NEXN: variants seen among roughly 807,000 people sequenced by gnomAD.
The protein encoded by NEXN is nexilin F-actin binding protein.
A neutral mutation model predicts 92.6 loss-of-function variants in NEXN; 65 were observed. The observed-to-expected ratio is 0.70, with a 90% CI of 0.57 to 0.86. NEXN has a LOEUF of 0.86. NEXN is among the 40% of genes least tolerant of loss of function. NEXN has a pLI of 0.00. For missense variants in NEXN, 778 were observed against 771.1 expected, an observed-to-expected ratio of 1.01 and a Z score of -0.11; for synonymous variants, 254 against 242.5, an observed-to-expected ratio of 1.05 and a Z score of -0.44.
intron 10 of NEXN, 25 bp downstream of exon 10, chr1:77,933,504 T>A: frequency 5.5e-6 from 8 of 1,447,880 alleles, no homozygotes; most frequent in Non-Finnish European, 7.7e-6. Flanking sequence ...AATATCTATA[T>A]TCCCCATATT....
At position 77,897,359 on chromosome 1, in the gene NEXN, G is replaced by A. The variant is rs984495904; in HGVS notation, c.-53+8600G>A. On this transcript the variant is annotated intron_variant, in intron 1 of 12. Coordinates refer to ENST00000334785, the MANE Select transcript of NEXN (RefSeq NM_144573.4). Reference sequence around the variant, plus strand: ...GGGATGTGAGGCTGGTTCAATATACGCAAATCAATAAATGTAATCCAGCAT... The same window carrying A: ...GGGATGTGAGGCTGGTTCAATATACACAAATCAATAAATGTAATCCAGCAT... Among the ~76,000 whole-genome samples, 152 of 152,226 alleles carry A rather than the reference G, an allele frequency of 1.0e-3. 1 individual carries two copies. Among genetic ancestry groups the A allele is most frequent in the African/African-American group, 3.5e-3 (144 of 41,540 alleles).
At chr1:77,938,895 A>G (rs1651017627) in intron 11 of NEXN, among the ~76,000 whole-genome samples, 1 of 152,220 alleles carries the variant, frequency 6.6e-6, no homozygotes, top group African/African-American at 2.4e-5. Context: ...AATAAGTGAT[A>G]GGATACAAGG....
At position 77,918,218 on chromosome 1, in the gene NEXN, A is replaced by G. The variant is rs397517858; in HGVS notation, c.392A>G (p.Gln131Arg). The G allele has an allele frequency of 8.1e-5, 130 of 1,614,088 alleles. No individual in the cohort carries two copies. Among genetic ancestry groups the G allele is most frequent in the Non-Finnish European group, 1.1e-4 (124 of 1,180,028 alleles). ...TEEERKRRIE[Q>R]DMLEKRKIQR... ...GAGGAACGAAAACGCAGAATTGAGCAGGATATGTTAGAAAAGAGGAAAATA... is the reference window on the plus strand; with the variant it reads ...GAGGAACGAAAACGCAGAATTGAGCGGGATATGTTAGAAAAGAGGAAAATA... Residue 131 changes from glutamine (Q) to arginine (R), a missense_variant, in exon 5 of 13, where the codon CAG (glutamine) becomes CGG (arginine). This residue lies in a region of NEXN where 236 missense variants were observed against 265.6 expected (regional missense o/e 0.89). Transcript: ENST00000334785.
chr1:77,899,056 G>C (rs1484011395), intron 1 of NEXN, among the ~76,000 whole-genome samples: 1 of 152,198 alleles, frequency 6.6e-6, no homozygotes, highest in Non-Finnish European at 1.5e-5. Flanking sequence ...TTACACTGTT[G>C]GTGGGACTGT....
chr1:77,941,327 T>C (rs1204293925), intron 11 of NEXN, among the ~76,000 whole-genome samples: 2 of 152,174 alleles, frequency 1.3e-5, no homozygotes, highest in Non-Finnish European at 2.9e-5. Flanking sequence ...AAAACTGCTC[T>C]AGACCTTATC....
chr1:77,897,558 G>A (rs1433162153), intron 1 of NEXN, among the ~76,000 whole-genome samples: 1 of 152,048 alleles, frequency 6.6e-6, no homozygotes, highest in African/African-American at 2.4e-5. Flanking sequence ...ATATCATACT[G>A]AATGGACAAA....
At chr1:77,920,994 C>T (rs907590941) in intron 5 of NEXN, among the ~76,000 whole-genome samples, 5 of 152,184 alleles carry the variant, frequency 3.3e-5, no homozygotes, top group East Asian at 1.9e-4. Flanking sequence ...GCTACTTAGA[C>T]AGATTTATCT....
In NEXN at chr1:77,929,436, G is replaced by A; in HGVS notation, c.985G>A (p.Ala329Thr). The A allele has an allele frequency of 6.2e-7, 1 of 1,613,504 alleles. No homozygotes were observed. Among genetic ancestry groups the A allele is most frequent in the Admixed American group, 1.7e-5 (1 of 60,010 alleles). Reference sequence around the variant, plus strand: ...AAGAAGAGAAGATGAAAAAAGGAAAGCAGAAGAAGAAGCCAGAAGGAGAAT... The same window carrying A: ...AAGAAGAGAAGATGAAAAAAGGAAAACAGAAGAAGAAGCCAGAAGGAGAAT... ...RQRREDEKRKAEEEARRRIEE... is the reference protein window; with the variant it reads ...RQRREDEKRKTEEEARRRIEE... The change falls in exon 9 of 13, where the codon GCA becomes ACA. Residue 329 changes from alanine to threonine, a missense_variant. Transcript: ENST00000334785.
In NEXN at chr1:77,936,022, G is replaced by A. The variant is rs1342442796; in HGVS notation, c.1451G>A (p.Arg484Gln). The change falls in exon 11 of 13, where the codon CGA becomes CAA. Residue 484 changes from arginine (R) to glutamine (Q), a missense_variant. Transcript: ENST00000334785. ...RRAIDLEIKEREAENFHEEDD... is the reference protein window; with the variant it reads ...RRAIDLEIKEQEAENFHEEDD... Reference sequence around the variant, plus strand: ...GCAATTGACCTTGAAATTAAAGAGCGAGAAGCTGAAAATTTTCATGAGGTA... The same window carrying A: ...GCAATTGACCTTGAAATTAAAGAGCAAGAAGCTGAAAATTTTCATGAGGTA... The A allele has an allele frequency of 1.3e-5, 21 of 1,613,138 alleles. No homozygotes were observed. The highest frequency in any genetic ancestry group is 6.7e-5 in the East Asian group (3 of 44,852).
At chr1:77,911,257 C>G (rs879483518) in intron 1 of NEXN, among the ~76,000 whole-genome samples, 7 of 152,140 alleles carry the variant, frequency 4.6e-5, no homozygotes, top group Non-Finnish European at 8.8e-5. Context: ...TGGAAAATTC[C>G]ACACTTGGCC....
chr1:77,932,850 T>C (rs1433258612), intron 9 of NEXN, among the ~76,000 whole-genome samples: 1 of 152,214 alleles, frequency 6.6e-6, no homozygotes, highest in Non-Finnish European at 1.5e-5. Context: ...GTCCCCTTGT[T>C]TTTTGTTCAA....
chr1:77,934,069 G>A (rs111587515), intron 10 of NEXN, among the ~76,000 whole-genome samples: 66 of 142,802 alleles, frequency 4.6e-4, no homozygotes, highest in Non-Finnish European at 8.7e-4. Flanking sequence ...GAGTGCAATG[G>A]CACAATCTTG....
At chr1:77,893,002 G>A (rs576341807) in intron 1 of NEXN, among the ~76,000 whole-genome samples, 13 of 152,026 alleles carry the variant, frequency 8.6e-5, no homozygotes, top group African/African-American at 2.9e-4. Context: ...GAGTAGCTAG[G>A]ACTACAGACA....
intron 1 of NEXN, among the ~76,000 whole-genome samples, chr1:77,908,612 C>G (rs957583799): frequency 6.6e-6 from 1 of 151,818 alleles, no homozygotes; most frequent in Admixed American, 6.6e-5. Flanking sequence ...GTTGGTCAGG[C>G]TGGTCTCGAA....
At chr1:77,902,743 T>G (rs1437485493) in intron 1 of NEXN, among the ~76,000 whole-genome samples, 1 of 152,188 alleles carries the variant, frequency 6.6e-6, no homozygotes, top group African/African-American at 2.4e-5. Flanking sequence ...TAGACTGATA[T>G]GTCTGAGATG....
intron 10 of NEXN, among the ~76,000 whole-genome samples, chr1:77,933,897 G>A (rs1650515793): frequency 6.6e-6 from 1 of 152,040 alleles, no homozygotes; most frequent in East Asian, 1.9e-4. Context: ...TTTTTGTGGT[G>A]TGAACATGGC....
Position 77,917,672 on chromosome 1 carries a change from G to T in NEXN, c.134G>T (p.Arg45Ile), listed in dbSNP as rs946271161. The change falls in exon 3 of 13, where the codon AGA becomes ATA. Residue 45 changes from arginine to isoleucine, a missense_variant. Arg to Ile is a moderately conservative substitution (Grantham distance 97). Around this residue, in one of 3 missense-constraint regions of NEXN, gnomAD observed 236 missense variants for 265.6 expected, o/e 0.89. Coordinates refer to ENST00000334785, the MANE Select transcript of NEXN (RefSeq NM_144573.4). ...FEAMQRAREE[R>I]NQRRSRDEKQ... ...GCCATGCAGAGAGCCAGGGAAGAAA[G>T]AAATCAAAGGAGATCTAGAGACGAA... The T allele has an allele frequency of 3.1e-6, 5 of 1,612,638 alleles. No homozygotes were observed. Among genetic ancestry groups the T allele is most frequent in the Non-Finnish European group, 4.2e-6 (5 of 1,179,162 alleles).
At chr1:77,916,722 G>A (rs996806771) in intron 2 of NEXN, among the ~76,000 whole-genome samples, 1 of 152,076 alleles carries the variant, frequency 6.6e-6, no homozygotes, top group African/African-American at 2.4e-5. Flanking sequence ...CTAGGAAAAA[G>A]GATTTGGTGT....
At chr1:77,891,815 T>TG (rs1477862364) in intron 1 of NEXN, among the ~76,000 whole-genome samples, 4 of 150,290 alleles carry the variant, frequency 2.7e-5, no homozygotes, top group Non-Finnish European at 5.9e-5. Context: ...TGGTGGCTCA[T>TG]GCCTGTAATC....
Sources: allele counts gnomAD v4.1 joint callset (sites outside exome capture counted in the v4.1 genomes callset), GRCh38; gene constraint gnomAD v4.1.1; regional missense constraint gnomAD v4.1.1; transcripts MANE v1.5; gene names NCBI Gene and HGNC (gene_info 2026-07-23, HGNC 2026-07-21).